ZNF233: variants seen among roughly 807,000 people sequenced by gnomAD.
ZNF233 encodes the protein zinc finger protein 233.
Under a neutral mutation model 11.6 loss-of-function variants are expected in ZNF233, and 7 were observed. The ratio of observed to expected loss-of-function variants is 0.60; its 90% CI spans 0.34 to 1.13. The LOEUF (loss-of-function observed/expected upper bound fraction) is 1.13, where lower values mean the gene tolerates loss of function less well. Ranked by LOEUF, ZNF233 falls within the 50% of genes most tolerant of loss-of-function variation. The pLI is 0.03. For missense variants in ZNF233, 711 were observed against 785.5 expected, an observed-to-expected ratio of 0.91 and a Z score of 1.13; for synonymous variants, 226 against 268.5, an observed-to-expected ratio of 0.84 and a Z score of 1.55.
At chr19:44,264,197 C>T in intron 1 of ZNF233, 117 bp from the exon 2 acceptor site, 1 of 708,062 alleles carries the variant, frequency 1.4e-6, no homozygotes, top group Non-Finnish European at 2.5e-6. Flanking sequence ...GCCTCGGCCT[C>T]CCAAAGTGCT....
In ZNF233 at chr19:44,273,852, T is replaced by C. The variant is rs1430112521; in HGVS notation, c.1192T>C (p.Cys398Arg). The C allele has an allele frequency of 6.2e-7, 1 of 1,614,054 alleles. No individual in the cohort carries two copies. The highest frequency in any genetic ancestry group is 8.5e-7 in the Non-Finnish European group (1 of 1,180,042). The change falls in exon 5 of 5, where the codon TGT becomes CGT. Residue 398 changes from cysteine (C) to arginine (R), a missense_variant. Cys to Arg is a radical substitution (Grantham distance 180, BLOSUM62 -3). Transcript: ENST00000683810. ...TGTAGACAGTGCTGGAGAGAGAGCC[T>C]GTAAATGTGATGTATATGATAAAGG... is the stretch of plus-strand genomic sequence containing the variant. ...HCVDSAGERA[C>R]KCDVYDKGFS...
In ZNF233 at chr19:44,274,978, T is replaced by C. The variant is rs1235005641; in HGVS notation, c.*305T>C. 2.6e-5 allele frequency: 11 copies of C among 418,104 alleles called. No individual in the cohort carries two copies. The Admixed American group carries it at 3.9e-4, about 15-fold the overall frequency. 25.9% of individuals were successfully genotyped at this position (418,104 alleles called of 1,614,324 possible). A position where few individuals can be genotyped will look rare whatever the true frequency, so the allele number is the denominator to read the frequency against. ...GAACCTTCACATCCAATAAGCAATATGCAGGAGTGAAGCCTTCAAAATGAT... is the reference window on the plus strand; with the variant it reads ...GAACCTTCACATCCAATAAGCAATACGCAGGAGTGAAGCCTTCAAAATGAT... On this transcript the variant is annotated 3_prime_UTR_variant, in exon 5 of 5. Coordinates refer to ENST00000683810, the MANE Select transcript of ZNF233 (RefSeq NM_001207005.2).
At chr19:44,262,100 T>G (rs1974954796) in intron 1 of ZNF233, among the ~76,000 whole-genome samples, 1 of 152,234 alleles carries the variant, frequency 6.6e-6, no homozygotes, top group Admixed American at 6.5e-5. Context: ...AAAGGAATCT[T>G]GGAGATCAAT....
chr19:44,266,199 A>C lies in ZNF233; in HGVS notation c.17A>C (p.Glu6Ala). ...GATTACATCTGCTTGATGTTGTAGG[A>C]GATGGTGACATTCAAGGATGTGGCT... Reference protein sequence around the residue: MTKFQEMVTFKDVAVV... With the variant: MTKFQAMVTFKDVAVV... Residue 6 changes from glutamate (E) to alanine (A), a missense_variant and splice_region_variant, in exon 3 of 5, where the codon GAG becomes GCG. Coordinates refer to ENST00000683810, the MANE Select transcript of ZNF233 (RefSeq NM_001207005.2). The C allele has an allele frequency of 6.2e-7, 1 of 1,608,280 alleles. No homozygotes were observed. The highest frequency in any genetic ancestry group is 8.5e-7 in the Non-Finnish European group (1 of 1,177,058).
Position 44,274,335 on chromosome 19 carries a change from A to G in ZNF233, c.1675A>G (p.Thr559Ala). The G allele has an allele frequency of 1.2e-6, 2 of 1,613,832 alleles. No individual in the cohort carries two copies. Among genetic ancestry groups the G allele is most frequent in the South Asian group, 2.2e-5 (2 of 91,056 alleles). Residue 559 changes from threonine to alanine, a missense_variant, in exon 5 of 5, where the codon ACT becomes GCT. Coordinates refer to ENST00000683810, the MANE Select transcript of ZNF233 (RefSeq NM_001207005.2). ...SHLQDHQQVH[T>A]GENPYKCDVC... is the part of the protein sequence containing the mutation. Reference sequence around the variant, plus strand: ...TCTCCAAGACCATCAGCAAGTCCATACTGGAGAGAATCCCTACAAATGTGA... The same window carrying G: ...TCTCCAAGACCATCAGCAAGTCCATGCTGGAGAGAATCCCTACAAATGTGA...
intron 1 of ZNF233, among the ~76,000 whole-genome samples, chr19:44,263,604 A>G (rs1041528867): frequency 4.6e-5 from 7 of 152,250 alleles, no homozygotes; most frequent in Admixed American, 2.6e-4. Flanking sequence ...AAGAAAATTC[A>G]TAAGTATTTA....
chr19:44,265,407 A>G (rs1482233633), intron 2 of ZNF233, among the ~76,000 whole-genome samples: 2 of 121,970 alleles, frequency 1.6e-5, no homozygotes, highest in Non-Finnish European at 1.7e-5. Flanking sequence ...ACACACACAC[A>G]CACCACGGTT....
Position 44,273,791 on chromosome 19 carries a change from G to T in ZNF233, c.1131G>T (p.Lys377Asn). The T allele has an allele frequency of 6.2e-7, 1 of 1,614,180 alleles. No homozygotes were observed. Residue 377 changes from lysine to asparagine, a missense_variant, in exon 5 of 5, where the codon AAG becomes AAT. Coordinates refer to ENST00000683810, the MANE Select transcript of ZNF233 (RefSeq NM_001207005.2). ...EKLCTCGRCG[K>N]GFHHSLDFDI... ...TGTGTACATGTGGCAGGTGTGGGAAGGGCTTCCATCATAGCTTAGATTTTG... is the reference window on the plus strand; with the variant it reads ...TGTGTACATGTGGCAGGTGTGGGAATGGCTTCCATCATAGCTTAGATTTTG...
chr19:44,262,617 AT>A (rs1449185681), intron 1 of ZNF233, among the ~76,000 whole-genome samples: 2 of 152,188 alleles, frequency 1.3e-5, no homozygotes, highest in African/African-American at 4.8e-5. Context: ...AAGAGAATAC[AT>A]TGCTCTCGTC....
intron 1 of ZNF233, 38 bp from the exon 2 acceptor site, chr19:44,264,276 T>C (rs2123041472): frequency 1.5e-6 from 2 of 1,375,768 alleles, no homozygotes; most frequent in Admixed American, 3.4e-5. Context: ...CCATGTGGGC[T>C]AGGGCCTGTT....
At chr19:44,263,919 A>G in intron 1 of ZNF233, among the ~76,000 whole-genome samples, 1 of 152,230 alleles carries the variant, frequency 6.6e-6, no homozygotes, top group Non-Finnish European at 1.5e-5. Context: ...TAATCTTGCA[A>G]GAAAGCACTA....
rs763695399 is a variant in ZNF233, at chr19:44,274,483, A to G, written c.1823A>G (p.His608Arg). 1 of 1,614,070 alleles carries G rather than the reference A, an allele frequency of 6.2e-7. No individual in the cohort carries two copies. The highest frequency in any genetic ancestry group is 8.5e-7 in the Non-Finnish European group (1 of 1,179,980). ...GGCTTCATCTGGAACTCATATCTTC[A>G]TGTTCATCAGAGGATCCACACGGGA... is the stretch of plus-strand genomic sequence containing the variant. ...RKGFIWNSYL[H>R]VHQRIHTGEK... Residue 608 changes from histidine (H) to arginine (R), a missense_variant, in exon 5 of 5, where the codon CAT (histidine) becomes CGT (arginine). His to Arg is a conservative substitution (Grantham distance 29, BLOSUM62 0). Coordinates refer to ENST00000683810, the MANE Select transcript of ZNF233 (RefSeq NM_001207005.2).
In ZNF233 at chr19:44,273,713, C is replaced by T; in HGVS notation, c.1053C>T (p.Ser351=). 1 of 1,614,158 alleles carries T rather than the reference C, an allele frequency of 6.2e-7. No individual in the cohort carries two copies. Among genetic ancestry groups the T allele is most frequent in the South Asian group, 1.1e-5 (1 of 91,082 alleles). ...GATGTCAGGTATATGCCCGGAGCTC[C>T]AACCAGAACTCCTGTCTTCCCTCTC... The part of the protein sequence containing the change: ...LYRCQVYARS[S]NQNSCLPSHE... The change falls in exon 5 of 5, where the codon TCC becomes TCT. Residue 351 remains serine (S), a synonymous_variant. Coordinates refer to ENST00000683810, the MANE Select transcript of ZNF233 (RefSeq NM_001207005.2).
At chr19:44,271,091 T>C (rs1975226659) in intron 4 of ZNF233, among the ~76,000 whole-genome samples, 1 of 152,214 alleles carries the variant, frequency 6.6e-6, no homozygotes, top group South Asian at 2.1e-4. Context: ...GTGTGTCAGC[T>C]ATGGGAATAA....
chr19:44,273,706 G>T lies in ZNF233; in HGVS notation c.1046G>T (p.Arg349Leu), dbSNP rs569951523. ...CTCTACAGATGTCAGGTATATGCCC[G>T]GAGCTCCAACCAGAACTCCTGTCTT... ...ENLYRCQVYA[R>L]SSNQNSCLPS... Residue 349 changes from arginine (R) to leucine (L), a missense_variant, in exon 5 of 5, where the codon CGG becomes CTG. Physicochemically the swap from Arg to Leu is moderately radical, Grantham distance 102 (BLOSUM62 -2). Transcript: ENST00000683810. 6.2e-7 allele frequency: 1 copy of T among 1,614,072 alleles called. No individual in the cohort carries two copies. Among genetic ancestry groups the T allele is most frequent in the South Asian group, 1.1e-5 (1 of 91,072 alleles).
chr19:44,262,625 C>T (rs1974969844), intron 1 of ZNF233, among the ~76,000 whole-genome samples: 1 of 152,194 alleles, frequency 6.6e-6, no homozygotes, highest in Non-Finnish European at 1.5e-5. Context: ...ACATTGCTCT[C>T]GTCCCTACTA....
chr19:44,269,717 CTCT>C (rs1404792064), intron 4 of ZNF233, among the ~76,000 whole-genome samples: 1 of 151,982 alleles, frequency 6.6e-6, no homozygotes, highest in Non-Finnish European at 1.5e-5. Flanking sequence ...TGTTTTACAG[CTCT>C]TTTTTATTGA....
chr19:44,262,744 T>C (rs1438613328), intron 1 of ZNF233, among the ~76,000 whole-genome samples: 1 of 152,170 alleles, frequency 6.6e-6, no homozygotes, highest in Non-Finnish European at 1.5e-5. Flanking sequence ...ACGAGGTAGA[T>C]ACTGTTATTG....
Position 44,273,638 on chromosome 19 carries a change from C to G in ZNF233, c.978C>G (p.Gly326=). 6.2e-7 allele frequency: 1 copy of G among 1,614,074 alleles called. No homozygotes were observed. The highest frequency in any genetic ancestry group is 8.5e-7 in the Non-Finnish European group (1 of 1,179,986). ...ACAGTGGTGAGGGCTTCAGTCAGGG[C>G]TCACATCTGCAACCTCATCAGAGAG... is the stretch of plus-strand genomic sequence containing the variant. ...NGDSGEGFSQ[G]SHLQPHQRVS... Residue 326 remains glycine, a synonymous_variant, in exon 5 of 5, where the codon GGC becomes GGG. Coordinates refer to ENST00000683810, the MANE Select transcript of ZNF233 (RefSeq NM_001207005.2).
Sources: allele counts gnomAD v4.1 joint callset (sites outside exome capture counted in the v4.1 genomes callset), GRCh38; gene constraint gnomAD v4.1.1; transcripts MANE v1.5; gene names NCBI Gene and HGNC (gene_info 2026-07-23, HGNC 2026-07-21).